Variants in CHCHD6 observed in about 807,000 individuals in gnomAD.
The protein encoded by CHCHD6 is MICOS complex subunit MIC25.
In CHCHD6, 28 loss-of-function variants were observed where a neutral mutation model predicts 32.3. The observed-to-expected ratio is 0.87, with a 90% CI of 0.64 to 1.19. CHCHD6 has a LOEUF of 1.19. Ranked by LOEUF, CHCHD6 falls within the 50% of genes most tolerant of loss-of-function variation. The pLI is 0.00. For synonymous variants in CHCHD6, 122 were observed against 117.5 expected (o/e 1.04, Z -0.25); for missense variants, 333 against 307.0 (o/e 1.08, Z -0.63).
At chr3:126,943,244 G>T (rs2078588191) in intron 6 of CHCHD6, among the ~76,000 whole-genome samples, 1 of 152,164 alleles carries the variant, frequency 6.6e-6, no homozygotes, top group Non-Finnish European at 1.5e-5. Context: ...TCTGCTGGGA[G>T]GGAAAAGGAC....
chr3:126,896,843 G>A (rs952626515), intron 5 of CHCHD6, among the ~76,000 whole-genome samples: 6 of 152,194 alleles, frequency 3.9e-5, no homozygotes, highest in Non-Finnish European at 7.3e-5. Flanking sequence ...GGAGACATGG[G>A]GGCTGGAGAG....
At chr3:126,750,741 TG>T (rs1163932972) in intron 4 of CHCHD6, among the ~76,000 whole-genome samples, 1 of 152,268 alleles carries the variant, frequency 6.6e-6, no homozygotes. Flanking sequence ...CCTTTTGCAA[TG>T]AGCCTGAACT....
At chr3:126,850,271 T>A (rs933532118) in intron 4 of CHCHD6, among the ~76,000 whole-genome samples, 2 of 152,226 alleles carry the variant, frequency 1.3e-5, no homozygotes, top group African/African-American at 4.8e-5. Flanking sequence ...TTCATTCAAG[T>A]GGGAGGCACA....
intron 5 of CHCHD6, among the ~76,000 whole-genome samples, chr3:126,867,654 AG>A (rs1237800615): frequency 6.6e-6 from 1 of 151,844 alleles, no homozygotes; most frequent in Non-Finnish European, 1.5e-5. Context: ...GCCCTTGGGG[AG>A]GGGGGCATGC....
chr3:126,892,764 A>G (rs1241370666), intron 5 of CHCHD6, among the ~76,000 whole-genome samples: 1 of 152,220 alleles, frequency 6.6e-6, no homozygotes, highest in Non-Finnish European at 1.5e-5. Flanking sequence ...GAGGCCTAAA[A>G]GCAAACGCAG....
intron 6 of CHCHD6, among the ~76,000 whole-genome samples, chr3:126,945,463 C>T (rs755136167): frequency 9.1e-5 from 12 of 131,432 alleles, no homozygotes; most frequent in African/African-American, 3.5e-4. Context: ...GACTTGGGAG[C>T]GGGGAAAGTC....
intron 4 of CHCHD6, among the ~76,000 whole-genome samples, chr3:126,814,206 T>A (rs151052676): frequency 6.6e-6 from 1 of 152,346 alleles, no homozygotes; most frequent in East Asian, 1.9e-4. Flanking sequence ...ACAGTTTATT[T>A]TAAAAGCGTT....
intron 5 of CHCHD6, among the ~76,000 whole-genome samples, chr3:126,913,805 G>A (rs1346015442): frequency 6.6e-6 from 1 of 152,248 alleles, no homozygotes; most frequent in South Asian, 2.1e-4. Flanking sequence ...CGAAGGTGCT[G>A]GAGCTTCACA....
intron 1 of CHCHD6, among the ~76,000 whole-genome samples, chr3:126,722,014 TTTCCATTTTTTGGCTA>T (rs1366581148): frequency 6.6e-6 from 1 of 152,264 alleles, no homozygotes; most frequent in Admixed American, 6.5e-5. Flanking sequence ...ATTTGGGTCC[TTTCCATTTTTTGGCTA>T]TTACAGATAA....
At chr3:126,955,385 C>T (rs1024211495) in intron 6 of CHCHD6, among the ~76,000 whole-genome samples, 10 of 152,244 alleles carry the variant, frequency 6.6e-5, no homozygotes, top group African/African-American at 2.4e-4. Context: ...ATAAAACCCC[C>T]CCCACCCAGT....
intron 1 of CHCHD6, among the ~76,000 whole-genome samples, chr3:126,709,990 G>A (rs6776035): frequency 0.016 from 2,457 of 152,310 alleles, 60 homozygotes; most frequent in African/African-American, 0.053. Flanking sequence ...GGATACCAAA[G>A]GATGACTGTC....
chr3:126,723,717 T>C (rs535727914), intron 1 of CHCHD6, among the ~76,000 whole-genome samples: 1 of 152,308 alleles, frequency 6.6e-6, no homozygotes, highest in Admixed American at 6.5e-5. Flanking sequence ...TTATGTGATT[T>C]CCTTTTCTTT....
intron 5 of CHCHD6, chr3:126,865,442 C>G (rs956759379): frequency 1.0e-5 from 4 of 394,606 alleles, no homozygotes; most frequent in African/African-American, 6.6e-5. Flanking sequence ...TACCCTCCAC[C>G]ACCAGCTTCA....
intron 1 of CHCHD6, among the ~76,000 whole-genome samples, chr3:126,713,700 CTCTG>C (rs1272023069): frequency 6.6e-6 from 1 of 152,178 alleles, no homozygotes; most frequent in Non-Finnish European, 1.5e-5. Context: ...TTCTTCGTCT[CTCTG>C]TCCCCAGCAC....
chr3:126,922,241 C>A (rs928359457), intron 6 of CHCHD6, among the ~76,000 whole-genome samples: 1 of 152,202 alleles, frequency 6.6e-6, no homozygotes, highest in South Asian at 2.1e-4. Flanking sequence ...TACCCTGTTT[C>A]CCATCTTCAC....
chr3:126,837,141 A>G (rs1205647457), intron 4 of CHCHD6, among the ~76,000 whole-genome samples: 1 of 152,212 alleles, frequency 6.6e-6, no homozygotes, highest in African/African-American at 2.4e-5. Context: ...CTTGCTTGGA[A>G]AATTATACCA....
intron 2 of CHCHD6, 96 bp downstream of exon 2, chr3:126,727,282 G>A: frequency 2.5e-6 from 2 of 807,314 alleles, no homozygotes; most frequent in Non-Finnish European, 4.0e-6. Context: ...CAGGGCTCAG[G>A]TTGGCTTCTG....
chr3:126,751,416 T>A (rs1420766447), intron 4 of CHCHD6, among the ~76,000 whole-genome samples: 1 of 150,736 alleles, frequency 6.6e-6, no homozygotes, highest in Non-Finnish European at 1.5e-5. Flanking sequence ...GCACGAGAAT[T>A]GCTTGAGCCT....
intron 1 of CHCHD6, among the ~76,000 whole-genome samples, chr3:126,704,633 G>A (rs1934385830): frequency 2.6e-5 from 4 of 152,186 alleles, no homozygotes; most frequent in Admixed American, 2.6e-4. Flanking sequence ...GTACAGGTGC[G>A]AGGCCCCTGG....
Sources: gnomAD v4.1 joint callset for allele counts (sites outside exome capture counted in the v4.1 genomes callset) on GRCh38, gnomAD v4.1.1 for gene constraint, MANE v1.5 for transcripts, NCBI Gene and HGNC (gene_info 2026-07-23, HGNC 2026-07-21) for gene names.